Variants in SDHA observed in about 807,000 individuals in gnomAD.
SDHA encodes the protein succinate dehydrogenase [ubiquinone] flavoprotein subunit, mitochondrial.
SDHA carries 48 observed loss-of-function variants against 78.4 expected under a neutral mutation model. The ratio of observed to expected loss-of-function variants is 0.61; its 90% CI spans 0.49 to 0.78. The LOEUF (loss-of-function observed/expected upper bound fraction) is 0.78, where lower values mean the gene tolerates loss of function less well. Among genes scored for constraint, SDHA ranks in the 30% least tolerant of loss-of-function variants. SDHA has a pLI of 0.00. For missense variants in SDHA, 680 were observed against 892.7 expected (o/e 0.76, Z 3.04); for synonymous variants, 326 against 353.9 (o/e 0.92, Z 0.88).
At chr5:253,932 A>G (rs13175598) in intron 13 of SDHA, among the ~76,000 whole-genome samples, 4 of 152,110 alleles carry the variant, frequency 2.6e-5, no homozygotes, top group African/African-American at 4.8e-5. Context: ...TGGTGGTAGC[A>G]CAGGAGGCTG....
intron 6 of SDHA, among the ~76,000 whole-genome samples, chr5:229,000 T>A (rs1160073138): frequency 1.3e-5 from 2 of 152,074 alleles, no homozygotes; most frequent in Non-Finnish European, 2.9e-5. Flanking sequence ...AATGGCCAAT[T>A]GATGTATGAA....
Position 256,473 on chromosome 5 carries a change from C to T in SDHA, c.*53C>T. 7.3e-7 allele frequency: 1 copy of T among 1,376,614 alleles called. No homozygotes were observed. The allele number at this position is 1,376,614 out of a possible 1,614,324, so 85.3% of individuals were successfully genotyped here. On this transcript the variant is annotated 3_prime_UTR_variant, in exon 15 of 15. Transcript: ENST00000264932. Reference sequence around the variant, plus strand: ...CAGCTTTTGTAATTATGTATAATAGCTCATGCATGTGTCCATGTCATAACT... The same window carrying T: ...CAGCTTTTGTAATTATGTATAATAGTTCATGCATGTGTCCATGTCATAACT...
chr5:218,346 A>G lies in SDHA; in HGVS notation c.-10A>G, dbSNP rs3211464. 9 of 1,450,604 alleles carry G rather than the reference A, an allele frequency of 6.2e-6. No homozygotes were observed. In the East Asian group the frequency reaches 8.3e-5, roughly 13 times the overall value. 89.9% of individuals were successfully genotyped at this position (1,450,604 alleles called of 1,614,324 possible). ...GGGACTGGCGGGACTGCGCGGCGGC[A>G]ACAGCAGACATGTCGGGGGTCCGGG... On this transcript the variant is annotated 5_prime_UTR_variant, in exon 1 of 15. Transcript: ENST00000264932.
At chr5:240,848 G>T (rs1389892346) in intron 11 of SDHA, among the ~76,000 whole-genome samples, 1 of 152,168 alleles carries the variant, frequency 6.6e-6, no homozygotes, top group Non-Finnish European at 1.5e-5. Context: ...CAGAAGACAT[G>T]ATTGCGTTCT....
At chr5:254,942 C>T (rs1737086675) in intron 14 of SDHA, among the ~76,000 whole-genome samples, 1 of 152,036 alleles carries the variant, frequency 6.6e-6, no homozygotes, top group South Asian at 2.1e-4. Context: ...CTGGAAGCGT[C>T]TGCAGGGGAG....
chr5:260,079 T>G (rs247073), downstream of SDHA, among the ~76,000 whole-genome samples: 582 of 8,084 alleles, frequency 0.072, 5 homozygotes, highest in South Asian at 0.11. Context: ...CCGCCTCCCG[T>G]CAGAGCATTA....
rs1352062665 is a variant in SDHA, at chr5:224,354, T to A, written c.151-6T>A. On this transcript the variant is annotated splice_region_variant and splice_polypyrimidine_tract_variant and intron_variant, in intron 2 of 14. Coordinates refer to ENST00000264932, the MANE Select transcript of SDHA (RefSeq NM_004168.4). ...TGTGATTGACAGGTGAATTTTTCTT[T>A]TCCAGATTTCTGCTCAGTATCCAGT... is the stretch of plus-strand genomic sequence containing the variant. 1.2e-6 allele frequency: 2 copies of A among 1,612,852 alleles called. No individual in the cohort carries two copies. The highest frequency in any genetic ancestry group is 1.9e-4 in the Middle Eastern group (1 of 5,342).
At chr5:222,540 A>G (rs1042963010) in intron 1 of SDHA, among the ~76,000 whole-genome samples, 3 of 151,978 alleles carry the variant, frequency 2.0e-5, no homozygotes, top group African/African-American at 7.2e-5. Context: ...GGGTTTTGCC[A>G]TGTTGGCCAG....
the SDHA span, among the ~76,000 whole-genome samples, chr5:268,376 G>A: frequency 1.3e-5 from 2 of 152,118 alleles, no homozygotes; most frequent in East Asian, 3.9e-4. Flanking sequence ...TAGAGACGAG[G>A]TTTCACCATG....
At position 256,817 on chromosome 5, in the gene SDHA, C is replaced by A; in HGVS notation, c.*397C>A. 4.2e-6 allele frequency: 1 copy of A among 238,306 alleles called. No individual in the cohort carries two copies. 14.8% of individuals were successfully genotyped at this position (238,306 alleles called of 1,614,324 possible). On this transcript the variant is annotated 3_prime_UTR_variant, in exon 15 of 15. Coordinates refer to ENST00000264932, the MANE Select transcript of SDHA (RefSeq NM_004168.4). ...AGATATTTTGTATAGTTTCTTTTTTCTTTTTCTTTTCTTTTTTTTTTTTGA... is the reference window on the plus strand; with the variant it reads ...AGATATTTTGTATAGTTTCTTTTTTATTTTTCTTTTCTTTTTTTTTTTTGA...
chr5:235,375 A>G (rs770021999), intron 9 of SDHA, 36 bp downstream of exon 9: 1 of 1,607,720 alleles, frequency 6.2e-7, no homozygotes, highest in South Asian at 1.1e-5. Flanking sequence ...AGCTGGAAAG[A>G]AGGCTGGGAC....
intron 13 of SDHA, among the ~76,000 whole-genome samples, chr5:253,836 C>A (rs536040913): frequency 1.3e-5 from 2 of 152,094 alleles, no homozygotes; most frequent in African/African-American, 2.4e-5. Context: ...TGAGGCAGGC[C>A]AATGACTTGA....
intron 9 of SDHA, 59 bp downstream of exon 9, chr5:235,398 C>T: frequency 6.7e-7 from 1 of 1,495,296 alleles, no homozygotes; most frequent in Non-Finnish European, 9.3e-7. Context: ...CGGGGCCCAC[C>T]TCGCAGTTGT....
At chr5:239,450 C>T (rs1340624192) in intron 10 of SDHA, among the ~76,000 whole-genome samples, 1 of 151,810 alleles carries the variant, frequency 6.6e-6, no homozygotes, top group Non-Finnish European at 1.5e-5. Flanking sequence ...CCCAGCTACT[C>T]TGGAGGCTGA....
At chr5:226,539 C>T (rs1043756616) in intron 5 of SDHA, among the ~76,000 whole-genome samples, 1 of 151,956 alleles carries the variant, frequency 6.6e-6, no homozygotes, top group African/African-American at 2.4e-5. Flanking sequence ...GGCTGAGGCT[C>T]CTGGATCACT....
intron 6 of SDHA, among the ~76,000 whole-genome samples, chr5:230,289 G>A (rs762100467): frequency 6.6e-6 from 1 of 152,068 alleles, no homozygotes; most frequent in Non-Finnish European, 1.5e-5. Flanking sequence ...TATAAAAGTA[G>A]TATATGCTTA....
In SDHA at chr5:236,136, C is replaced by T. The variant is rs374292201; in HGVS notation, c.1261-292C>T. The T allele has an allele frequency of 4.4e-3, 1,844 of 421,974 alleles. 19 individuals are homozygous for T. Among genetic ancestry groups the T allele is most frequent in the African/African-American group, 0.025 (1,246 of 49,562 alleles). 26.1% of individuals were successfully genotyped at this position (421,974 alleles called of 1,614,324 possible). A position where few individuals can be genotyped will look rare whatever the true frequency, so the allele number is the denominator to read the frequency against. ...GCCTCCCAGGTTCAAGTGATTTTTC[C>T]GCCTCAGCCTCCCTAGTAGCTGGGA... is the stretch of plus-strand genomic sequence containing the variant. On this transcript the variant is annotated intron_variant, in intron 9 of 14. Coordinates refer to ENST00000264932, the MANE Select transcript of SDHA (RefSeq NM_004168.4).
At position 256,709 on chromosome 5, in the gene SDHA, A is replaced by G; in HGVS notation, c.*289A>G. The G allele has an allele frequency of 2.4e-6, 1 of 422,984 alleles. No individual in the cohort carries two copies. 26.2% of individuals were successfully genotyped at this position (422,984 alleles called of 1,614,324 possible). On this transcript the variant is annotated 3_prime_UTR_variant, in exon 15 of 15. Transcript: ENST00000264932. ...TTTCTTTTATTTCCAAATCCATTTG[A>G]AATATTTTACTGTTGTGACTTTAGT...
chr5:230,089 C>T (rs1374556977), intron 6 of SDHA, among the ~76,000 whole-genome samples: 1 of 152,064 alleles, frequency 6.6e-6, no homozygotes, highest in Non-Finnish European at 1.5e-5. Flanking sequence ...AGACGTTAGG[C>T]GTCTGTATCT....
Sources: allele counts gnomAD v4.1 joint callset (sites outside exome capture counted in the v4.1 genomes callset), GRCh38; gene constraint gnomAD v4.1.1; transcripts MANE v1.5; gene names NCBI Gene and HGNC (gene_info 2026-07-23, HGNC 2026-07-21).